The following CD96 variants were observed in gnomAD, a reference collection of about 807,000 sequenced individuals.
CD96 encodes the protein CD96 molecule, also known as T-cell surface protein tactile.
A neutral mutation model predicts 71.3 loss-of-function variants in CD96; 70 were observed. The observed-to-expected ratio is 0.98, with a 90% CI of 0.81 to 1.20. The LOEUF (loss-of-function observed/expected upper bound fraction) is 1.20. CD96 is among the 50% of genes most tolerant of loss of function. The pLI is 0.00. For synonymous variants in CD96, 248 were observed against 233.0 expected (o/e 1.06, Z -0.59); for missense variants, 742 against 677.5 (o/e 1.10, Z -1.06).
intron 3 of CD96, among the ~76,000 whole-genome samples, chr3:111,567,991 TC>T (rs1935802134): frequency 6.6e-6 from 1 of 152,240 alleles, no homozygotes; most frequent in Non-Finnish European, 1.5e-5. Context: ...GATACTTGTT[TC>T]ACAAACAACA....
intron 7 of CD96, among the ~76,000 whole-genome samples, chr3:111,602,859 A>G (rs1420850051): frequency 6.6e-6 from 1 of 152,198 alleles, no homozygotes; most frequent in African/African-American, 2.4e-5. Context: ...ACACATCAGG[A>G]AAGAGTTTTA....
chr3:111,660,386 AC>A (rs1337846011), intron 14 of CD96, among the ~76,000 whole-genome samples: 2 of 152,202 alleles, frequency 1.3e-5, no homozygotes, highest in African/African-American at 4.8e-5. Context: ...AAATGGAAAA[AC>A]ATGCCATGCT....
chr3:111,663,825 T>G (rs1299643598), intron 14 of CD96, among the ~76,000 whole-genome samples: 1 of 151,396 alleles, frequency 6.6e-6, no homozygotes, highest in African/African-American at 2.4e-5. Flanking sequence ...CTCTGCTCAC[T>G]GCAAGCTCCA....
At chr3:111,579,714 G>C (rs1213884214) in intron 4 of CD96, among the ~76,000 whole-genome samples, 2 of 152,008 alleles carry the variant, frequency 1.3e-5, no homozygotes, top group African/African-American at 4.8e-5. Context: ...AAGGCCACCA[G>C]TTTCCCTCCC....
At chr3:111,646,102 C>T (rs533394033) in intron 12 of CD96, among the ~76,000 whole-genome samples, 2 of 152,174 alleles carry the variant, frequency 1.3e-5, no homozygotes, top group South Asian at 4.2e-4. Context: ...AAAACCAATC[C>T]AGATAGCTTT....
chr3:111,585,356 A>G lies in CD96; in HGVS notation c.785A>G (p.Asn262Ser). 1 of 1,610,350 alleles carries G rather than the reference A, an allele frequency of 6.2e-7. No homozygotes were observed. Among genetic ancestry groups the G allele is most frequent in the Non-Finnish European group, 8.5e-7 (1 of 1,176,850 alleles). The change falls in exon 5 of 14, where the codon AAC becomes AGC. Residue 262 changes from asparagine to serine, a missense_variant. Coordinates refer to ENST00000352690, the MANE Select transcript of CD96 (RefSeq NM_005816.5). ...GAAATCCCTGTGATTGTGGAAAATA[A>G]CTCCACGGATGTCTTGGTAGAGGTG... ...KPEIPVIVEN[N>S]STDVLVERRF...
intron 14 of CD96, among the ~76,000 whole-genome samples, chr3:111,658,851 T>A (rs1449930509): frequency 6.6e-6 from 1 of 152,214 alleles, no homozygotes; most frequent in Non-Finnish European, 1.5e-5. Flanking sequence ...GAAGTTCTCT[T>A]TTTTCATTGT....
intron 5 of CD96, chr3:111,594,488 A>G (rs1168386649): frequency 2.9e-6 from 1 of 342,486 alleles, no homozygotes; most frequent in African/African-American, 2.1e-5. Context: ...GACAAAACAT[A>G]TCAGTTCCTG....
At chr3:111,657,204 A>G (rs1039526325), downstream of CD96, among the ~76,000 whole-genome samples, 9 of 151,928 alleles carry the variant, frequency 5.9e-5, no homozygotes, top group African/African-American at 1.4e-4. Context: ...CAGATCACGA[A>G]GTCAGGAGTT....
chr3:111,616,937 G>A (rs1477975007), intron 8 of CD96, among the ~76,000 whole-genome samples: 6 of 152,182 alleles, frequency 3.9e-5, no homozygotes, highest in Non-Finnish European at 7.4e-5. Context: ...AGGCTCAGAA[G>A]GGCCTGCTTC....
chr3:111,646,592 G>T (rs1939839069), intron 12 of CD96, among the ~76,000 whole-genome samples: 1 of 151,560 alleles, frequency 6.6e-6, no homozygotes, highest in Non-Finnish European at 1.5e-5. Flanking sequence ...TGGAGAAAAG[G>T]GAATGCTTAT....
At position 111,637,245 on chromosome 3, in the gene CD96, A is replaced by G. The variant is rs34636484; in HGVS notation, c.1371A>G (p.Ala457=). ...CATACAGTTCATCCCCGTCAGGTGCAGGCTCAACACTTCATGGTGAGTACT... is the reference window on the plus strand; with the variant it reads ...CATACAGTTCATCCCCGTCAGGTGCGGGCTCAACACTTCATGGTGAGTACT... ...SETYSSSPSG[A]GSTLHDNVFT... Residue 457 remains alanine, a synonymous_variant, in exon 11 of 14, where the codon GCA becomes GCG. Transcript: ENST00000352690. 45,255 of 1,570,406 alleles carry G rather than the reference A, an allele frequency of 0.029. 816 individuals carry two copies. Among genetic ancestry groups the G allele is most frequent in the Non-Finnish European group, 0.035 (40,202 of 1,140,038 alleles).
At chr3:111,627,023 A>G (rs1033391432) in intron 10 of CD96, among the ~76,000 whole-genome samples, 4 of 152,230 alleles carry the variant, frequency 2.6e-5, no homozygotes, top group Admixed American at 6.5e-5. Context: ...ATCTGTGTAC[A>G]TGAGTAGGAG....
At chr3:111,554,169 T>C (rs536304969) in intron 2 of CD96, among the ~76,000 whole-genome samples, 1 of 152,238 alleles carries the variant, frequency 6.6e-6, no homozygotes, top group African/African-American at 2.4e-5. Flanking sequence ...CATTTTTATA[T>C]ATCTCTAATG....
At chr3:111,640,501 C>G (rs138371882) in intron 12 of CD96, among the ~76,000 whole-genome samples, 428 of 152,160 alleles carry the variant, frequency 2.8e-3, no homozygotes, top group Non-Finnish European at 4.9e-3. Context: ...GTTAAACAAC[C>G]AAACTTATGA....
chr3:111,624,625 T>C (rs927132897), intron 10 of CD96, among the ~76,000 whole-genome samples: 2 of 152,114 alleles, frequency 1.3e-5, no homozygotes, highest in African/African-American at 4.8e-5. Context: ...CAAGTGGTGA[T>C]AAGTTATATG....
chr3:111,627,850 GGTA>G (rs1318007819), intron 10 of CD96, among the ~76,000 whole-genome samples: 4 of 152,170 alleles, frequency 2.6e-5, no homozygotes, highest in African/African-American at 9.7e-5. Context: ...GATACCTCCA[GGTA>G]CTGGAAAAAC....
chr3:111,661,132 C>T (rs770516833), intron 14 of CD96, among the ~76,000 whole-genome samples: 13 of 151,998 alleles, frequency 8.6e-5, no homozygotes, highest in East Asian at 1.9e-4. Flanking sequence ...CTTCACATGG[C>T]GGCAGGAGTG....
At chr3:111,607,353 CTGG>C (rs1341382631) in intron 8 of CD96, among the ~76,000 whole-genome samples, 1 of 152,124 alleles carries the variant, frequency 6.6e-6, no homozygotes, top group Non-Finnish European at 1.5e-5. Context: ...ACAAAGTTGA[CTGG>C]TAAGGACTAT....
Sources: allele counts gnomAD v4.1 joint callset (sites outside exome capture counted in the v4.1 genomes callset), GRCh38; gene constraint gnomAD v4.1.1; transcripts MANE v1.5; gene names NCBI Gene and HGNC (gene_info 2026-07-23, HGNC 2026-07-21).